The following NKAIN2 variants were observed in gnomAD, a reference collection of about 807,000 sequenced individuals.
NKAIN2 encodes sodium/potassium-transporting ATPase subunit beta-1-interacting protein 2.
A neutral mutation model predicts 32.6 loss-of-function variants in NKAIN2; 14 were observed. The observed-to-expected ratio is 0.43, with a 90% CI of 0.28 to 0.67. The LOEUF is 0.67. NKAIN2 is among the 30% of genes least tolerant of loss of function. NKAIN2 has a pLI of 0.17. For missense variants in NKAIN2, 198 were observed against 258.3 expected (o/e 0.77, Z 1.60); for synonymous variants, 80 against 87.2 (o/e 0.92, Z 0.46).
At chr6:124,016,898 C>T (rs1389653858) in intron 1 of NKAIN2, among the ~76,000 whole-genome samples, 1 of 152,168 alleles carries the variant, frequency 6.6e-6, no homozygotes, top group African/African-American at 2.4e-5. Flanking sequence ...ATGCCCAACA[C>T]TTGTGGTAGA....
chr6:124,679,862 A>G (rs1444463898), intron 4 of NKAIN2, among the ~76,000 whole-genome samples: 1 of 152,186 alleles, frequency 6.6e-6, no homozygotes. Flanking sequence ...AGAAGTAGTG[A>G]CCATTCAGGA....
chr6:124,023,496 A>AT (rs1430869719), intron 1 of NKAIN2, among the ~76,000 whole-genome samples: 1 of 152,132 alleles, frequency 6.6e-6, no homozygotes, highest in African/African-American at 2.4e-5. Flanking sequence ...GTGCCTTAAA[A>AT]TTTTTTTGAA....
chr6:124,336,893 G>C (rs944647172), intron 2 of NKAIN2, among the ~76,000 whole-genome samples: 1 of 151,824 alleles, frequency 6.6e-6, no homozygotes, highest in Non-Finnish European at 1.5e-5. Flanking sequence ...GGATGGTCTC[G>C]ATCTTCTGAC....
chr6:124,641,301 A>G (rs1164516266), intron 3 of NKAIN2, among the ~76,000 whole-genome samples: 1 of 152,142 alleles, frequency 6.6e-6, no homozygotes, highest in Non-Finnish European at 1.5e-5. Flanking sequence ...AAAAGAATAG[A>G]CCAATGACAG....
intron 1 of NKAIN2, among the ~76,000 whole-genome samples, chr6:124,003,276 G>A (rs974190499): frequency 1.3e-5 from 2 of 152,140 alleles, no homozygotes; most frequent in African/African-American, 4.8e-5. Flanking sequence ...CACTTACCAT[G>A]TGCATTATTT....
intron 1 of NKAIN2, among the ~76,000 whole-genome samples, chr6:124,174,838 G>T (rs1789076867): frequency 6.6e-6 from 1 of 152,134 alleles, no homozygotes; most frequent in South Asian, 2.1e-4. Flanking sequence ...TGACACATTG[G>T]TCAGTCCCTT....
intron 1 of NKAIN2, among the ~76,000 whole-genome samples, chr6:123,906,369 C>T (rs987370465): frequency 3.7e-5 from 5 of 135,538 alleles, no homozygotes; most frequent in Non-Finnish European, 8.3e-5. Context: ...TGGCTCACTG[C>T]GGTCTCGACT....
chr6:123,867,961 C>T (rs575470197), intron 1 of NKAIN2, among the ~76,000 whole-genome samples: 1 of 151,710 alleles, frequency 6.6e-6, no homozygotes, highest in East Asian at 1.9e-4. Flanking sequence ...CTCTGCCTCC[C>T]AGGTTCATGC....
chr6:124,588,610 G>A (rs928475555), intron 3 of NKAIN2, among the ~76,000 whole-genome samples: 2 of 152,030 alleles, frequency 1.3e-5, no homozygotes, highest in Admixed American at 1.3e-4. Context: ...TAATAATTTG[G>A]TGAGCTATGG....
intron 1 of NKAIN2, among the ~76,000 whole-genome samples, chr6:124,016,238 T>C (rs17627947): frequency 0.21 from 31,274 of 152,112 alleles, 3,354 homozygotes; most frequent in Admixed American, 0.23. Context: ...AGGCAGGTTT[T>C]GTCATAAAAT....
intron 1 of NKAIN2, among the ~76,000 whole-genome samples, chr6:124,139,110 C>T (rs2114318489): frequency 1.5e-5 from 1 of 67,176 alleles, no homozygotes; most frequent in Non-Finnish European, 2.6e-5. Context: ...GAGACGGAGT[C>T]TCGCTCTGTC....
Position 123,875,189 on chromosome 6 carries a change from T to C in NKAIN2, c.54+70935T>C, listed in dbSNP as rs1773115755. Among the ~76,000 whole-genome samples, 5 of 152,106 alleles carry C rather than the reference T, an allele frequency of 3.3e-5. No individual in the cohort carries two copies. The South Asian group carries it at 1.0e-3, about 32-fold the overall frequency. ...AGTAAATAACACTGAAACGAATAGT[T>C]TTCTAAACACTTTTTTTTACAGGTT... is the stretch of plus-strand genomic sequence containing the variant. On this transcript the variant is annotated intron_variant, in intron 1 of 6. Coordinates refer to ENST00000368417, the MANE Select transcript of NKAIN2 (RefSeq NM_001040214.3).
chr6:123,821,752 T>C (rs1309251548), intron 1 of NKAIN2, among the ~76,000 whole-genome samples: 9 of 152,076 alleles, frequency 5.9e-5, no homozygotes, highest in Admixed American at 5.9e-4. Flanking sequence ...AGCCGTGAAG[T>C]TCAAAAATAC....
At chr6:124,807,699 G>A (rs1250719477) in intron 5 of NKAIN2, among the ~76,000 whole-genome samples, 1 of 151,316 alleles carries the variant, frequency 6.6e-6, no homozygotes, top group African/African-American at 2.4e-5. Flanking sequence ...ATGAATCCAG[G>A]AGCTGGTTTT....
chr6:124,066,069 C>T (rs1562338117), intron 1 of NKAIN2, among the ~76,000 whole-genome samples: 1 of 152,098 alleles, frequency 6.6e-6, no homozygotes, highest in Non-Finnish European at 1.5e-5. Flanking sequence ...TGCACCTCTG[C>T]ACAATCTCAA....
chr6:124,448,333 T>C (rs1775975997), intron 3 of NKAIN2, among the ~76,000 whole-genome samples: 1 of 152,144 alleles, frequency 6.6e-6, no homozygotes, highest in Non-Finnish European at 1.5e-5. Context: ...CATCAGACAT[T>C]ACTGAGAACT....
chr6:124,681,552 C>T (rs965823232), intron 4 of NKAIN2, among the ~76,000 whole-genome samples: 1 of 151,652 alleles, frequency 6.6e-6, no homozygotes, highest in Non-Finnish European at 1.5e-5. Flanking sequence ...ATCTTTGTAC[C>T]CTTTGACTTA....
intron 4 of NKAIN2, among the ~76,000 whole-genome samples, chr6:124,779,247 A>AAGAGAGAGAGAGAG (rs71024703): frequency 1.3e-5 from 1 of 75,340 alleles, no homozygotes; most frequent in African/African-American, 6.0e-5. Flanking sequence ...CCAACAAAGA[A>AAGAGAGAGAGAGAG]AGAGAGAGAG....
chr6:123,895,017 A>G (rs1402526171), intron 1 of NKAIN2, among the ~76,000 whole-genome samples: 14 of 151,724 alleles, frequency 9.2e-5, no homozygotes, highest in Non-Finnish European at 1.9e-4. Context: ...ATTTATAGGG[A>G]TTGATGGGTT....
Sources: gnomAD v4.1 joint callset for allele counts (sites outside exome capture counted in the v4.1 genomes callset) on GRCh38, gnomAD v4.1.1 for gene constraint, MANE v1.5 for transcripts, NCBI Gene and HGNC (gene_info 2026-07-23, HGNC 2026-07-21) for gene names.